CHIT1: variants seen among roughly 807,000 people sequenced by gnomAD.
CHIT1 encodes the protein chitinase 1, also known as chitotriosidase-1.
A neutral mutation model predicts 52.0 loss-of-function variants in CHIT1; 47 were observed. The ratio of observed to expected loss-of-function variants is 0.90; its 90% confidence interval spans 0.71 to 1.15. CHIT1 has a LOEUF of 1.15. Among genes scored for constraint, CHIT1 ranks in the 50% most tolerant of loss-of-function variants. The probability of loss-of-function intolerance (pLI) is 0.00; values close to 1 mark genes in which losing one functional copy is unlikely to be tolerated. For synonymous variants in CHIT1, 242 were observed against 228.2 expected, an observed-to-expected ratio of 1.06 and a Z score of -0.54; for missense variants, 569 against 583.0, an observed-to-expected ratio of 0.98 and a Z score of 0.25.
intron 9 of CHIT1, among the ~76,000 whole-genome samples, chr1:203,218,402 C>T (rs1379567012): frequency 6.6e-6 from 1 of 152,130 alleles, no homozygotes; most frequent in African/African-American, 2.4e-5. Context: ...GATTCTCTGT[C>T]CTCTAACCCT....
chr1:203,227,465 G>A (rs1366000668), intron 2 of CHIT1, among the ~76,000 whole-genome samples: 1 of 152,228 alleles, frequency 6.6e-6, no homozygotes, highest in East Asian at 1.9e-4. Flanking sequence ...AAAATAAAGT[G>A]CAGTGGTTAA....
intron 7 of CHIT1, among the ~76,000 whole-genome samples, chr1:203,220,905 C>T (rs542349684): frequency 6.6e-6 from 1 of 152,310 alleles, no homozygotes; most frequent in South Asian, 2.1e-4. Context: ...ATAAGATGGC[C>T]TCCATTCCTC....
Position 203,216,415 on chromosome 1 carries a change from G to A in CHIT1, c.*474C>T, listed in dbSNP as rs528549499. ...GGCATTTTGGGAATAACACGTGCGT[G>A]AAGGTCCGCAGAAGCTCCTGTTTCC... On this transcript the variant is annotated 3_prime_UTR_variant, in exon 11 of 11. Coordinates refer to ENST00000367229, the MANE Select transcript of CHIT1 (RefSeq NM_003465.3). 1.5e-5 allele frequency: 7 copies of A among 454,358 alleles called. No individual in the cohort carries two copies. The highest frequency in any genetic ancestry group is 1.4e-4 in the African/African-American group (7 of 50,128). 28.1% of individuals were successfully genotyped at this position (454,358 alleles called of 1,614,324 possible).
At chr1:203,229,573 C>G in intron 1 of CHIT1, 39 bp downstream of exon 1, 1 of 1,612,904 alleles carries the variant, frequency 6.2e-7, no homozygotes, top group Non-Finnish European at 8.5e-7. Flanking sequence ...CCCACCTCCC[C>G]ACAGCTCCCG....
intron 4 of CHIT1, 150 bp from the exon 5 acceptor site, chr1:203,223,810 G>T: frequency 1.2e-6 from 1 of 829,648 alleles, no homozygotes; most frequent in Non-Finnish European, 2.0e-6. Context: ...AGGCTGCAGG[G>T]ATATTTGCTG....
chr1:203,228,273 C>T (rs1433227222), intron 2 of CHIT1, among the ~76,000 whole-genome samples: 2 of 152,186 alleles, frequency 1.3e-5, no homozygotes, highest in Non-Finnish European at 2.9e-5. Context: ...AGCCAGCAAC[C>T]CCAGGAAAGG....
At chr1:203,224,196 G>T (rs1168218927) in intron 4 of CHIT1, among the ~76,000 whole-genome samples, 1 of 152,126 alleles carries the variant, frequency 6.6e-6, no homozygotes, top group Non-Finnish European at 1.5e-5. Flanking sequence ...AGAGCGCTTT[G>T]TGTTTTTGTT....
Position 203,223,565 on chromosome 1 carries a change from A to G in CHIT1, c.410T>C (p.Leu137Pro). The change falls in exon 5 of 11, where the codon CTT becomes CCT. Residue 137 changes from leucine (L) to proline (P), a missense_variant. Transcript: ENST00000367229. ...LRKYSFDGLD[L>P]DWEYPGSQGS... ...CTGGCTTCCTGGGTACTCCCAGTCA[A>G]GGTCAAGGCCGTCAAAGCTGTATTT... 1 of 1,614,210 alleles carries G rather than the reference A, an allele frequency of 6.2e-7. No homozygotes were observed.
Position 203,219,307 on chromosome 1 carries a change from G to A in CHIT1, c.938C>T (p.Thr313Ile), listed in dbSNP as rs761256640. Residue 313 changes from threonine (T) to isoleucine (I), a missense_variant, in exon 9 of 11, where the codon ACC becomes ATC. Thr to Ile is a moderately conservative substitution (Grantham distance 89, BLOSUM62 -1). Transcript: ENST00000367229. ...YYEVCSWKGA[T>I]KQRIQDQKVP... is the part of the protein sequence containing the mutation. ...CTTCTGATCCTGGATTCTCTGTTTG[G>A]TGGCCCCCTTCCAGGAGCAGACCTG... 12 of 1,611,080 alleles carry A rather than the reference G, an allele frequency of 7.4e-6. No individual in the cohort carries two copies. The highest frequency in any genetic ancestry group is 1.3e-5 in the African/African-American group (1 of 74,982).
chr1:203,216,696 T>C lies in CHIT1; in HGVS notation c.*193A>G, dbSNP rs1656541201. The C allele has an allele frequency of 1.4e-6, 1 of 728,672 alleles. No individual in the cohort carries two copies. The highest frequency in any genetic ancestry group is 2.4e-6 in the Non-Finnish European group (1 of 415,670). The allele number at this position is 728,672 out of a possible 1,614,324, so 45.1% of individuals were successfully genotyped here. A position where few individuals can be genotyped will look rare whatever the true frequency, so the allele number is the denominator to read the frequency against. Reference sequence around the variant, plus strand: ...AGGGGCACAAACCAAAGATTTATTTTGCAAGTGAAAGGGGCAGCCCAGGAG... The same window carrying C: ...AGGGGCACAAACCAAAGATTTATTTCGCAAGTGAAAGGGGCAGCCCAGGAG... On this transcript the variant is annotated 3_prime_UTR_variant, in exon 11 of 11. Transcript: ENST00000367229.
chr1:203,226,235 T>C (rs576213568), intron 2 of CHIT1, among the ~76,000 whole-genome samples: 1 of 152,292 alleles, frequency 6.6e-6, no homozygotes, highest in Non-Finnish European at 1.5e-5. Context: ...CTCCTTGACA[T>C]CCTTGAAAGT....
At chr1:203,219,414 T>G in intron 8 of CHIT1, 85 bp from the exon 9 acceptor site, 1 of 951,618 alleles carries the variant, frequency 1.1e-6, no homozygotes, top group Non-Finnish European at 1.7e-6. Context: ...AGACTAGAGA[T>G]TGGAAAATTC....
At chr1:203,217,180 C>T in intron 10 of CHIT1, 47 bp from the exon 11 acceptor site, 1 of 1,598,962 alleles carries the variant, frequency 6.3e-7, no homozygotes, top group Non-Finnish European at 8.5e-7. Flanking sequence ...GAAGAGATCC[C>T]AAACCCACAG....
At chr1:203,229,589 C>T (rs1366151933) in intron 1 of CHIT1, 23 bp downstream of exon 1, 2 of 1,613,794 alleles carry the variant, frequency 1.2e-6, no homozygotes, top group African/African-American at 1.3e-5. Context: ...TCCCGAGACC[C>T]AGCCCACTAT....
intron 7 of CHIT1, among the ~76,000 whole-genome samples, chr1:203,221,347 A>T (rs1656721792): frequency 6.6e-6 from 1 of 152,182 alleles, no homozygotes; most frequent in Non-Finnish European, 1.5e-5. Flanking sequence ...TATAAAAAGG[A>T]TCTAGGCTGG....
chr1:203,219,940 CAGGGG>C, intron 7 of CHIT1, 91 bp from the exon 8 acceptor site: 8 of 1,476,356 alleles, frequency 5.4e-6, no homozygotes, highest in Non-Finnish European at 7.4e-6. Flanking sequence ...GCTAGGAGGG[CAGGGG>C]CTCCTCAGCT....
chr1:203,224,997 C>G (rs777195194), intron 4 of CHIT1, 51 bp downstream of exon 4: 7 of 1,545,382 alleles, frequency 4.5e-6, no homozygotes, highest in Non-Finnish European at 6.3e-6. Context: ...GGCCAGTGCA[C>G]CAGGTTCCCA....
Position 203,219,813 on chromosome 1 carries a change from G to C in CHIT1, c.766C>G (p.Pro256Ala), listed in dbSNP as rs1480439542. The C allele has an allele frequency of 3.7e-6, 6 of 1,612,488 alleles. No homozygotes were observed. The highest frequency in any genetic ancestry group is 3.3e-5 in the Admixed American group (2 of 60,010). The change falls in exon 8 of 11, where the codon CCT (proline) becomes GCT (alanine). Residue 256 changes from proline (P) to alanine (A), a missense_variant. By Grantham distance (27) the Pro-to-Ala change is conservative (BLOSUM62 -1). Transcript: ENST00000367229. ...ATGCCAAGGATCAGCTTGCTGGCAG[G>C]GGTCCCCTTCTGCAGCCACTGTTGC... ...AVQQWLQKGT[P>A]ASKLILGMPT...
chr1:203,219,131 T>G lies in CHIT1; in HGVS notation c.1029+85A>C. The G allele has an allele frequency of 1.0e-5, 8 of 798,076 alleles. 1 individual carries two copies. The South Asian group carries it at 1.1e-4, about 11-fold the overall frequency. 49.4% of individuals were successfully genotyped at this position (798,076 alleles called of 1,614,324 possible). A position where few individuals can be genotyped will look rare whatever the true frequency, so the allele number is the denominator to read the frequency against. On this transcript the variant is annotated intron_variant, in intron 9 of 10. Transcript: ENST00000367229. ...GGGACATTTAAAGGAGACTCACCCT[T>G]GAGGTCCTGAACTGTCCTCATTCCA...
Sources: allele counts gnomAD v4.1 joint callset (sites outside exome capture counted in the v4.1 genomes callset), GRCh38; gene constraint gnomAD v4.1.1; transcripts MANE v1.5; gene names NCBI Gene and HGNC (gene_info 2026-07-23, HGNC 2026-07-21).